Variants in PHACTR1 observed in about 807,000 individuals in gnomAD.
PHACTR1 encodes RPEL repeat containing 1.
A neutral mutation model predicts 69.2 loss-of-function variants in PHACTR1; 16 were observed. The ratio of observed to expected loss-of-function variants is 0.23; its 90% CI spans 0.16 to 0.35. PHACTR1 has a LOEUF of 0.35. PHACTR1 is among the 10% of genes least tolerant of loss of function. The pLI, the probability that PHACTR1 is intolerant of heterozygous loss-of-function variation, is 1.00. For synonymous variants in PHACTR1, 312 were observed against 284.5 expected, an observed-to-expected ratio of 1.10 and a Z score of -0.97; for missense variants, 510 against 734.7, an observed-to-expected ratio of 0.69 and a Z score of 3.54.
intron 7 of PHACTR1, chr6:13,184,907 G>A (rs1473611330): frequency 7.3e-7 from 1 of 1,366,396 alleles, no homozygotes; most frequent in East Asian, 4.5e-5. Context: ...GCTTTCCCTG[G>A]AGACCATGAA....
intron 4 of PHACTR1, among the ~76,000 whole-genome samples, chr6:12,837,659 A>T (rs998282284): frequency 2.6e-5 from 4 of 151,502 alleles, no homozygotes; most frequent in African/African-American, 9.7e-5. Context: ...GCCCTACCCC[A>T]ACGTAGCTAT....
intron 4 of PHACTR1, among the ~76,000 whole-genome samples, chr6:12,886,524 G>A (rs1357258156): frequency 6.6e-6 from 1 of 151,050 alleles, no homozygotes; most frequent in Non-Finnish European, 1.5e-5. Context: ...AGAGTTAATT[G>A]AGACAAGTAG....
At chr6:12,948,605 G>A (rs1790928839) in intron 4 of PHACTR1, among the ~76,000 whole-genome samples, 2 of 152,124 alleles carry the variant, frequency 1.3e-5, no homozygotes, top group Admixed American at 1.3e-4. Context: ...ACTCGTCAAA[G>A]GTCACACAGT....
intron 5 of PHACTR1, among the ~76,000 whole-genome samples, chr6:13,101,212 T>A (rs954768354): frequency 1.9e-4 from 29 of 152,218 alleles, no homozygotes; most frequent in Admixed American, 7.2e-4. Flanking sequence ...TGTCAGCCCA[T>A]GATGAAAGGC....
intron 4 of PHACTR1, among the ~76,000 whole-genome samples, chr6:12,794,617 A>T (rs765550418): frequency 3.7e-4 from 57 of 152,278 alleles, no homozygotes; most frequent in Non-Finnish European, 7.5e-4. Flanking sequence ...TCAACATGTC[A>T]TCGGCATAAA....
At chr6:12,721,921 C>T (rs566886527) in intron 3 of PHACTR1, among the ~76,000 whole-genome samples, 2 of 152,198 alleles carry the variant, frequency 1.3e-5, no homozygotes, top group Non-Finnish European at 2.9e-5. Flanking sequence ...ATCGAACCAA[C>T]GGCAAGGCTC....
intron 10 of PHACTR1, among the ~76,000 whole-genome samples, chr6:13,249,341 C>A (rs1009210948): frequency 2.6e-5 from 4 of 152,116 alleles, no homozygotes; most frequent in African/African-American, 9.7e-5. Context: ...GTGGAATCAC[C>A]CCAACCCCTG....
intron 6 of PHACTR1, among the ~76,000 whole-genome samples, chr6:13,164,352 A>G (rs1270118679): frequency 6.6e-6 from 1 of 152,148 alleles, no homozygotes; most frequent in African/African-American, 2.4e-5. Context: ...ATTCGGAGCA[A>G]TCATTCCATA....
At chr6:13,229,601 C>T (rs919889290) in intron 9 of PHACTR1, among the ~76,000 whole-genome samples, 2 of 152,074 alleles carry the variant, frequency 1.3e-5, no homozygotes, top group Non-Finnish European at 2.9e-5. Flanking sequence ...TAGCCTTCAC[C>T]GCTGAACTTC....
intron 4 of PHACTR1, among the ~76,000 whole-genome samples, chr6:12,949,186 CTTGAACCCAGGAGGCGG>C (rs1485851847): frequency 6.7e-6 from 1 of 149,766 alleles, no homozygotes; most frequent in African/African-American, 2.5e-5. Flanking sequence ...AGGAGAATCA[CTTGAACCCAGGAGGCGG>C]AGATTGTGGT....
At chr6:12,953,884 C>G (rs1223503004) in intron 4 of PHACTR1, among the ~76,000 whole-genome samples, 1 of 152,154 alleles carries the variant, frequency 6.6e-6, no homozygotes, top group Non-Finnish European at 1.5e-5. Flanking sequence ...AAGGTGAATT[C>G]ATAGGTAAAT....
At chr6:12,909,897 C>A (rs1023618903) in intron 4 of PHACTR1, among the ~76,000 whole-genome samples, 1 of 152,248 alleles carries the variant, frequency 6.6e-6, no homozygotes, top group South Asian at 2.1e-4. Context: ...TATTCTTCAA[C>A]TTCTAACAAA....
At chr6:12,998,061 A>G (rs1797642472) in intron 4 of PHACTR1, among the ~76,000 whole-genome samples, 1 of 152,252 alleles carries the variant, frequency 6.6e-6, no homozygotes, top group African/African-American at 2.4e-5. Context: ...TAAAATATTC[A>G]ATATAACTCA....
chr6:13,190,883 A>G (rs1763481702), intron 7 of PHACTR1, among the ~76,000 whole-genome samples: 1 of 152,116 alleles, frequency 6.6e-6, no homozygotes, highest in Non-Finnish European at 1.5e-5. Flanking sequence ...TTGCCTGACA[A>G]ATGGTGTCCA....
intron 10 of PHACTR1, among the ~76,000 whole-genome samples, chr6:13,242,681 A>G (rs779326267): frequency 2.0e-5 from 3 of 152,236 alleles, no homozygotes; most frequent in Non-Finnish European, 2.9e-5. Flanking sequence ...AAAAATCAAC[A>G]TTGCTTTTGC....
Position 12,791,307 on chromosome 6 carries a change from G to A in PHACTR1, c.250+41517G>A, listed in dbSNP as rs1345270392. On this transcript the variant is annotated intron_variant, in intron 4 of 14. Coordinates refer to ENST00000332995, the MANE Select transcript of PHACTR1 (RefSeq NM_030948.6). Reference sequence around the variant, plus strand: ...CCTTCTCATCTATAGTTGCTAAGGAGCCCATCTGAGGTCCTTGCTCCTATT... The same window carrying A: ...CCTTCTCATCTATAGTTGCTAAGGAACCCATCTGAGGTCCTTGCTCCTATT... Among the ~76,000 whole-genome samples the A allele has an allele frequency of 2.0e-5, 3 of 152,242 alleles. No homozygotes were observed. The East Asian group carries it at 5.8e-4, about 29-fold the overall frequency.
At chr6:13,263,243 T>G (rs1007185642) in intron 10 of PHACTR1, among the ~76,000 whole-genome samples, 1 of 23,064 alleles carries the variant, frequency 4.3e-5, no homozygotes, top group Non-Finnish European at 1.5e-4. Flanking sequence ...TTAGTGTTTT[T>G]TTTTTTTTTT....
chr6:13,201,919 G>T (rs940119638), intron 7 of PHACTR1, among the ~76,000 whole-genome samples: 4 of 152,194 alleles, frequency 2.6e-5, no homozygotes, highest in African/African-American at 9.7e-5. Flanking sequence ...CCTGATTTTA[G>T]CCCTTTTCTT....
intron 10 of PHACTR1, chr6:13,267,730 G>C (rs569339245): frequency 6.6e-6 from 1 of 151,770 alleles, no homozygotes; most frequent in African/African-American, 2.4e-5. Flanking sequence ...GTTCATGTTG[G>C]GTAGATTAGC....
Sources: gnomAD v4.1 joint callset for allele counts (sites outside exome capture counted in the v4.1 genomes callset) on GRCh38, gnomAD v4.1.1 for gene constraint, MANE v1.5 for transcripts, NCBI Gene and HGNC (gene_info 2026-07-23, HGNC 2026-07-21) for gene names.